Variants in CPVL observed in about 807,000 individuals in gnomAD.
The protein encoded by CPVL is carboxypeptidase vitellogenic like, also known as probable serine carboxypeptidase CPVL.
CPVL carries 51 observed loss-of-function variants against 63.7 expected under a neutral mutation model. The ratio of observed to expected loss-of-function variants is 0.80; its 90% confidence interval spans 0.64 to 1.01. The LOEUF (loss-of-function observed/expected upper bound fraction) is 1.01, where lower values mean the gene tolerates loss of function less well. CPVL is among the 50% of genes least tolerant of loss of function. The pLI is 0.00. For synonymous variants in CPVL, 195 were observed against 206.0 expected, an observed-to-expected ratio of 0.95 and a Z score of 0.46; for missense variants, 530 against 573.1, an observed-to-expected ratio of 0.92 and a Z score of 0.77.
At position 29,112,832 on chromosome 7, in the gene CPVL, G is replaced by T. The variant is rs774551738; in HGVS notation, c.170-10C>A. ...AAACTCAATTCTCTTCCTAGTGGGG[G>T]AAAAAAAATTTACCCAAGGATTACA... On this transcript the variant is annotated splice_polypyrimidine_tract_variant and intron_variant, in intron 2 of 12. Transcript: ENST00000265394. The T allele has an allele frequency of 9.0e-6, 14 of 1,564,096 alleles. No individual in the cohort carries two copies. The East Asian group carries it at 1.1e-4, about 13-fold the overall frequency.
intron 9 of CPVL, among the ~76,000 whole-genome samples, chr7:29,067,569 CA>C (rs57430870): frequency 0.1 from 15,551 of 152,084 alleles, 1,038 homozygotes; most frequent in Non-Finnish European, 0.14. Flanking sequence ...ACTGCAGCAT[CA>C]GGGGAGAGCC....
At chr7:29,175,357 G>A (rs987085747) in intron 5 of CPVL, among the ~76,000 whole-genome samples, 1 of 151,880 alleles carries the variant, frequency 6.6e-6, no homozygotes, top group African/African-American at 2.4e-5. Flanking sequence ...TGTATTTTCA[G>A]TAGAGAGGGG....
intron 5 of CPVL, among the ~76,000 whole-genome samples, chr7:29,094,069 A>C (rs2687638): frequency 7.9e-5 from 12 of 152,038 alleles, no homozygotes; most frequent in African/African-American, 2.9e-4. Flanking sequence ...GGCCAAGAGC[A>C]GTAGCTCATG....
chr7:29,186,987 G>C (rs1798792834), intron 1 of CPVL, among the ~76,000 whole-genome samples: 1 of 152,140 alleles, frequency 6.6e-6, no homozygotes, highest in African/African-American at 2.4e-5. Context: ...TGGAAAATGA[G>C]GATAACAATT....
chr7:29,040,350 C>T (rs1788949232), intron 11 of CPVL, among the ~76,000 whole-genome samples: 1 of 152,192 alleles, frequency 6.6e-6, no homozygotes. Context: ...CAGAAGAAAA[C>T]TTTAATTCAG....
At chr7:29,119,421 A>G (rs990054134) in intron 2 of CPVL, among the ~76,000 whole-genome samples, 3 of 150,322 alleles carry the variant, frequency 2.0e-5, no homozygotes, top group Non-Finnish European at 4.4e-5. Context: ...CAGGAGGTGC[A>G]GAGCGCAGTG....
chr7:29,139,746 C>G (rs780988270), intron 1 of CPVL, among the ~76,000 whole-genome samples: 16 of 152,124 alleles, frequency 1.1e-4, no homozygotes, highest in Non-Finnish European at 2.4e-4. Context: ...TCTGCCAGCT[C>G]AGAAATCTCC....
At chr7:29,082,580 C>A (rs956354216) in intron 7 of CPVL, 18 of 148,372 alleles carry the variant, frequency 1.2e-4, no homozygotes, top group Admixed American at 1.2e-3. Flanking sequence ...AAGAGCAGTG[C>A]CCCCAGACTG....
intron 11 of CPVL, among the ~76,000 whole-genome samples, chr7:29,062,640 G>A (rs1214169966): frequency 6.6e-6 from 1 of 152,158 alleles, no homozygotes; most frequent in African/African-American, 2.4e-5. Context: ...GGGTGCATTG[G>A]CCAGGGACTG....
intron 12 of CPVL, among the ~76,000 whole-genome samples, chr7:29,014,114 T>A (rs1786140950): frequency 1.3e-5 from 2 of 152,310 alleles, no homozygotes; most frequent in South Asian, 4.1e-4. Flanking sequence ...AGAGAAGCTC[T>A]CTGGCTGGGA....
intron 7 of CPVL, among the ~76,000 whole-genome samples, chr7:29,082,955 G>C (rs770188909): frequency 9.2e-5 from 14 of 152,098 alleles, no homozygotes; most frequent in Non-Finnish European, 2.1e-4. Flanking sequence ...CATTTTCCAG[G>C]GTTGTTGCCA....
chr7:29,176,020 A>T (rs1797275649), intron 5 of CPVL, among the ~76,000 whole-genome samples: 1 of 152,128 alleles, frequency 6.6e-6, no homozygotes, highest in Non-Finnish European at 1.5e-5. Context: ...CCCCGTCTCT[A>T]CTAAAAATAC....
At chr7:29,127,104 G>A (rs1204269585) in intron 1 of CPVL, among the ~76,000 whole-genome samples, 1 of 152,184 alleles carries the variant, frequency 6.6e-6, no homozygotes, top group Admixed American at 6.5e-5. Context: ...CTAGAGGTGT[G>A]TGGCAGGGAG....
chr7:29,046,906 A>T (rs956641033), intron 11 of CPVL, among the ~76,000 whole-genome samples: 1 of 152,184 alleles, frequency 6.6e-6, no homozygotes, highest in Non-Finnish European at 1.5e-5. Flanking sequence ...ATGAGAGTGC[A>T]TTCGCATTTT....
intron 7 of CPVL, chr7:29,082,631 C>T (rs1343619558): frequency 6.6e-6 from 1 of 152,216 alleles, no homozygotes; most frequent in Non-Finnish European, 1.5e-5. Flanking sequence ...TATCTCCTGA[C>T]AATGGCATCT....
At chr7:29,005,750 C>T (rs11533930) in intron 12 of CPVL, among the ~76,000 whole-genome samples, 3,462 of 152,320 alleles carry the variant, frequency 0.023, 36 homozygotes, top group South Asian at 0.067. Flanking sequence ...CTTTACCACA[C>T]AGGATTTGAT....
At chr7:29,094,135 G>T (rs1416675029) in intron 5 of CPVL, among the ~76,000 whole-genome samples, 1 of 152,142 alleles carries the variant, frequency 6.6e-6, no homozygotes, top group Non-Finnish European at 1.5e-5. Flanking sequence ...GAGGTCAGGA[G>T]TTCAAGACCA....
intron 2 of CPVL, among the ~76,000 whole-genome samples, chr7:29,115,111 A>G (rs1017057895): frequency 6.6e-6 from 1 of 152,196 alleles, no homozygotes; most frequent in Non-Finnish European, 1.5e-5. Flanking sequence ...TATGCAAAAT[A>G]TAAATACTGA....
At chr7:29,164,208 C>T (rs1262388437) in intron 5 of CPVL, among the ~76,000 whole-genome samples, 1 of 152,182 alleles carries the variant, frequency 6.6e-6, no homozygotes, top group Admixed American at 6.5e-5. Context: ...GGTGTCAACT[C>T]ACCGTGATTT....
Sources: gnomAD v4.1 joint callset for allele counts (sites outside exome capture counted in the v4.1 genomes callset) on GRCh38, gnomAD v4.1.1 for gene constraint, MANE v1.5 for transcripts, NCBI Gene and HGNC (gene_info 2026-07-23, HGNC 2026-07-21) for gene names.